The following NUMB variants were observed in gnomAD, a reference collection of about 807,000 sequenced individuals.
The protein encoded by NUMB is NUMB endocytic adaptor protein.
A neutral mutation model predicts 59.7 loss-of-function variants in NUMB; 29 were observed. The ratio of observed to expected loss-of-function variants is 0.49; its 90% CI spans 0.36 to 0.66. The LOEUF is 0.66. Among genes scored for constraint, NUMB ranks in the 30% least tolerant of loss-of-function variants. NUMB has a pLI of 0.00. For synonymous variants in NUMB, 288 were observed against 288.2 expected, an observed-to-expected ratio of 1.00 and a Z score of 0.01; for missense variants, 723 against 822.0, an observed-to-expected ratio of 0.88 and a Z score of 1.47.
At chr14:73,309,759 A>AATAAT in intron 6 of NUMB, among the ~76,000 whole-genome samples, 1 of 88,748 alleles carries the variant, frequency 1.1e-5, no homozygotes, top group Non-Finnish European at 2.3e-5. Flanking sequence ...ATAATAATAA[A>AATAAT]AATAGGATCC....
intron 4 of NUMB, among the ~76,000 whole-genome samples, chr14:73,342,567 C>T (rs1030696100): frequency 1.3e-5 from 2 of 152,168 alleles, no homozygotes; most frequent in Admixed American, 6.5e-5. Context: ...AAACATCTAT[C>T]AAAAGCTTCA....
intron 6 of NUMB, among the ~76,000 whole-genome samples, chr14:73,305,895 C>G (rs1343475066): frequency 6.6e-6 from 1 of 152,182 alleles, no homozygotes; most frequent in African/African-American, 2.4e-5. Flanking sequence ...TACAGTGTGC[C>G]TTGTAATAAA....
intron 6 of NUMB, among the ~76,000 whole-genome samples, chr14:73,313,668 G>GAAAAAAAAAAAACAAAAAAAAAAAAAAAA (rs1890906658): frequency 8.1e-6 from 1 of 124,120 alleles, no homozygotes; most frequent in African/African-American, 3.2e-5. Flanking sequence ...TCCAAAATCT[G>GAAAAAAAAAAAACAAAAAAAAAAAAAAAA]AAAAAAAAAA....
rs117894735 is a variant in NUMB at position 73,368,212 on chromosome 14, T to C, written c.-100-1231A>G. Among the ~76,000 whole-genome samples the C allele has an allele frequency of 0.013, 1,971 of 152,254 alleles. 98 individuals are homozygous for C. In the South Asian group the frequency reaches 0.16, roughly 12 times the overall value. On this transcript the variant is annotated intron_variant, in intron 2 of 12. Transcript: ENST00000555238. ...ACAGAGTATCTATTCAGCTATATAT[T>C]AAATATTTGATGTACAAAGAAAATT...
At chr14:73,457,580 T>A (rs781147008) in intron 1 of NUMB, 1 of 152,264 alleles carries the variant, frequency 6.6e-6, no homozygotes, top group Non-Finnish European at 1.5e-5. Flanking sequence ...CCATTTTGCA[T>A]GACTCCTCTC....
At chr14:73,278,016 C>T (rs540346964) in intron 12 of NUMB, among the ~76,000 whole-genome samples, 1 of 129,464 alleles carries the variant, frequency 7.7e-6, no homozygotes, top group East Asian at 2.5e-4. Context: ...CAAGATACTC[C>T]AGCCTAGTGA....
At position 73,448,190 on chromosome 14, in the gene NUMB, C is replaced by T. The variant is rs534344324; in HGVS notation, c.-233+10303G>A. On this transcript the variant is annotated intron_variant, in intron 1 of 12. Coordinates refer to ENST00000555238, the MANE Select transcript of NUMB (RefSeq NM_001005743.2). Reference sequence around the variant, plus strand: ...CTACAGGAAATATCTTTCCTTCATACCACCAATGCTAGATAATTTTCAAAA... The same window carrying T: ...CTACAGGAAATATCTTTCCTTCATATCACCAATGCTAGATAATTTTCAAAA... 1.2e-4 allele frequency among the ~76,000 whole-genome samples: 18 copies of T among 152,166 alleles called. No homozygotes were observed. The East Asian group carries it at 2.9e-3, about 24-fold the overall frequency.
chr14:73,395,696 G>A (rs1160485149), intron 2 of NUMB, among the ~76,000 whole-genome samples: 3 of 150,766 alleles, frequency 2.0e-5, no homozygotes, highest in Non-Finnish European at 3.0e-5. Flanking sequence ...TGCCAGAGAT[G>A]AGGAATGAAA....
At chr14:73,386,867 A>ATTTTTTT (rs71112745) in intron 2 of NUMB, among the ~76,000 whole-genome samples, 973 of 79,758 alleles carry the variant, frequency 0.012, 140 homozygotes, top group East Asian at 0.027. Context: ...CAGGTGTCTT[A>ATTTTTTT]TTTTTTTTTT....
intron 6 of NUMB, among the ~76,000 whole-genome samples, chr14:73,316,169 C>A (rs755754001): frequency 2.0e-5 from 3 of 152,122 alleles, no homozygotes; most frequent in Non-Finnish European, 4.4e-5. Flanking sequence ...CCGTGTCCAG[C>A]CTATTTATTG....
At chr14:73,338,233 G>T (rs527890522) in intron 4 of NUMB, among the ~76,000 whole-genome samples, 13 of 152,050 alleles carry the variant, frequency 8.5e-5, no homozygotes, top group Non-Finnish European at 1.6e-4. Flanking sequence ...GCAGCAATGA[G>T]CTATGAATGT....
chr14:73,369,932 T>C (rs1409092229), intron 2 of NUMB, among the ~76,000 whole-genome samples: 1 of 152,204 alleles, frequency 6.6e-6, no homozygotes, highest in Non-Finnish European at 1.5e-5. Flanking sequence ...ACTTCTAATA[T>C]CATGATGTGT....
chr14:73,366,507 A>G (rs1451477021), intron 3 of NUMB, among the ~76,000 whole-genome samples: 1 of 152,150 alleles, frequency 6.6e-6, no homozygotes, highest in East Asian at 1.9e-4. Flanking sequence ...AATGCTTTGT[A>G]TGTATTAAAT....
At chr14:73,315,075 G>T (rs993578253) in intron 6 of NUMB, among the ~76,000 whole-genome samples, 1 of 152,014 alleles carries the variant, frequency 6.6e-6, no homozygotes, top group Non-Finnish European at 1.5e-5. Flanking sequence ...TTTTATTTCA[G>T]ATTGAGAGGA....
intron 2 of NUMB, among the ~76,000 whole-genome samples, chr14:73,404,323 ACT>A (rs1004763024): frequency 6.6e-5 from 10 of 151,842 alleles, no homozygotes; most frequent in Non-Finnish European, 1.0e-4. Context: ...GAACGTCAAG[ACT>A]CTTGTTGAAA....
intron 4 of NUMB, among the ~76,000 whole-genome samples, chr14:73,340,330 T>C (rs570773919): frequency 6.6e-5 from 10 of 152,270 alleles, no homozygotes; most frequent in Admixed American, 3.3e-4. Context: ...AAACGAGCAG[T>C]GGGGACATCC....
intron 2 of NUMB, among the ~76,000 whole-genome samples, chr14:73,406,646 T>C (rs929564474): frequency 6.6e-6 from 1 of 152,134 alleles, no homozygotes; most frequent in African/African-American, 2.4e-5. Context: ...TATTTCTAGT[T>C]CTAGATCCTT....
At chr14:73,356,121 C>T (rs1450196789) in intron 3 of NUMB, among the ~76,000 whole-genome samples, 1 of 152,126 alleles carries the variant, frequency 6.6e-6, no homozygotes, top group Non-Finnish European at 1.5e-5. Flanking sequence ...TACCCATCTA[C>T]CTCTCAAATT....
At chr14:73,396,321 GGTGTGTGTGT>G (rs200195176) in intron 2 of NUMB, among the ~76,000 whole-genome samples, 26,133 of 144,230 alleles carry the variant, frequency 0.18, 2,918 homozygotes, top group East Asian at 0.53. Flanking sequence ...AATTATTAGG[GGTGTGTGTGT>G]GTGTGTGTGT....
Sources: gnomAD v4.1 joint callset for allele counts (sites outside exome capture counted in the v4.1 genomes callset) on GRCh38, gnomAD v4.1.1 for gene constraint, MANE v1.5 for transcripts, NCBI Gene and HGNC (gene_info 2026-07-23, HGNC 2026-07-21) for gene names.